The following ZRANB3 variants were observed in gnomAD, a reference collection of about 807,000 sequenced individuals.
The protein encoded by ZRANB3 is DNA annealing helicase and endonuclease ZRANB3.
In ZRANB3, 125 loss-of-function variants were observed where a neutral mutation model predicts 133.8. The observed-to-expected ratio is 0.93, with a 90% CI of 0.81 to 1.08. The LOEUF (loss-of-function observed/expected upper bound fraction) is 1.08, where lower values mean the gene tolerates loss of function less well. Among genes scored for constraint, ZRANB3 ranks in the 50% least tolerant of loss-of-function variants. The pLI, the probability that ZRANB3 is intolerant of heterozygous loss-of-function variation, is 0.00. For synonymous variants in ZRANB3, 387 were observed against 432.7 expected, an observed-to-expected ratio of 0.89 and a Z score of 1.31; for missense variants, 1,229 against 1,275.5, an observed-to-expected ratio of 0.96 and a Z score of 0.56.
At chr2:135,439,682 C>G (rs6752649) in intron 2 of ZRANB3, among the ~76,000 whole-genome samples, 136 of 152,328 alleles carry the variant, frequency 8.9e-4, no homozygotes, top group African/African-American at 3.2e-3. Flanking sequence ...AATTTGACTA[C>G]ACACTGGAAT....
chr2:135,213,044 A>G (rs1694165425), intron 17 of ZRANB3, among the ~76,000 whole-genome samples: 1 of 151,962 alleles, frequency 6.6e-6, no homozygotes, highest in Non-Finnish European at 1.5e-5. Flanking sequence ...ACTGTTGGAC[A>G]TCACTGGCGG....
At chr2:135,384,969 A>G (rs1686896043) in intron 3 of ZRANB3, among the ~76,000 whole-genome samples, 2 of 152,204 alleles carry the variant, frequency 1.3e-5, no homozygotes, top group Admixed American at 1.3e-4. Context: ...CTCCTATTCA[A>G]CATAGTGTTG....
intron 4 of ZRANB3, among the ~76,000 whole-genome samples, chr2:135,351,985 T>C: frequency 6.6e-6 from 1 of 152,202 alleles, no homozygotes; most frequent in East Asian, 1.9e-4. Context: ...CCCTAGTGGC[T>C]ATAAAAGATG....
intron 3 of ZRANB3, among the ~76,000 whole-genome samples, chr2:135,379,406 C>T (rs1022897055): frequency 2.0e-5 from 3 of 152,134 alleles, no homozygotes; most frequent in Non-Finnish European, 4.4e-5. Context: ...AATAGAAAGT[C>T]TGGTACCTGG....
intron 12 of ZRANB3, among the ~76,000 whole-genome samples, chr2:135,245,880 C>T (rs1695765193): frequency 1.8e-5 from 2 of 110,080 alleles, no homozygotes; most frequent in Admixed American, 1.3e-4. Context: ...GAGCCGAGAT[C>T]GCGTCATTGC....
At chr2:135,378,706 T>C (rs1311237171) in intron 3 of ZRANB3, among the ~76,000 whole-genome samples, 2 of 152,182 alleles carry the variant, frequency 1.3e-5, no homozygotes, top group African/African-American at 4.8e-5. Flanking sequence ...ATACTTTGTA[T>C]GATGTGATGA....
At chr2:135,482,183 T>C (rs975855085) in intron 2 of ZRANB3, among the ~76,000 whole-genome samples, 6 of 140,552 alleles carry the variant, frequency 4.3e-5, no homozygotes, top group Admixed American at 2.1e-4. Context: ...GGGGATGGCA[T>C]TGAATCTGTA....
intron 19 of ZRANB3, among the ~76,000 whole-genome samples, chr2:135,203,880 TA>T (rs1693740297): frequency 6.6e-6 from 1 of 152,222 alleles, no homozygotes; most frequent in South Asian, 2.1e-4. Flanking sequence ...CCAGTCCATA[TA>T]TACACATTTT....
intron 6 of ZRANB3, among the ~76,000 whole-genome samples, chr2:135,332,732 G>A (rs568723857): frequency 1.4e-4 from 22 of 152,144 alleles, no homozygotes; most frequent in Non-Finnish European, 4.4e-5. Context: ...CCCATCCTTC[G>A]AAGGTGCTTG....
chr2:135,427,214 A>T (rs1296712870), intron 2 of ZRANB3, among the ~76,000 whole-genome samples: 1 of 152,036 alleles, frequency 6.6e-6, no homozygotes, highest in African/African-American at 2.4e-5. Flanking sequence ...TCCTCGCCAG[A>T]GAAATCAAGC....
intron 2 of ZRANB3, among the ~76,000 whole-genome samples, chr2:135,490,316 G>A (rs969419839): frequency 6.6e-6 from 1 of 152,104 alleles, no homozygotes; most frequent in African/African-American, 2.4e-5. Context: ...CAAAAAAAGA[G>A]AAATATTCCA....
intron 2 of ZRANB3, among the ~76,000 whole-genome samples, chr2:135,402,752 A>C (rs962123753): frequency 1.3e-5 from 2 of 151,886 alleles, no homozygotes; most frequent in Admixed American, 6.6e-5. Flanking sequence ...CGTCCAGCTA[A>C]TTTTTGTATT....
rs751873684 is a variant in ZRANB3 at position 135,208,851 on chromosome 2, T to C, written c.2606+17A>G. 4 of 1,595,452 alleles carry C rather than the reference T, an allele frequency of 2.5e-6. No individual in the cohort carries two copies. The highest frequency in any genetic ancestry group is 1.7e-5 in the Admixed American group (1 of 59,956). ...TGGAATTAGTACTACTATATACTAG[T>C]AGTAGAAAAACCTTACTTTGTGAAA... On this transcript the variant is annotated intron_variant, in intron 18 of 20. Coordinates refer to ENST00000264159, the MANE Select transcript of ZRANB3 (RefSeq NM_032143.4).
chr2:135,455,807 G>A (rs182333516), intron 2 of ZRANB3, among the ~76,000 whole-genome samples: 1,566 of 149,574 alleles, frequency 0.01, 24 homozygotes, highest in African/African-American at 0.037. Flanking sequence ...TGTTAGCCAG[G>A]ATGGTCTCGA....
chr2:135,407,912 G>T (rs1688117464), intron 2 of ZRANB3, among the ~76,000 whole-genome samples: 1 of 146,396 alleles, frequency 6.8e-6, no homozygotes, highest in Non-Finnish European at 1.5e-5. Flanking sequence ...ACATAGGCAT[G>T]GGCAAGGACT....
At chr2:135,509,403 T>A (rs1263668523) in intron 1 of ZRANB3, among the ~76,000 whole-genome samples, 1 of 152,086 alleles carries the variant, frequency 6.6e-6, no homozygotes, top group Non-Finnish European at 1.5e-5. Flanking sequence ...ACATACAAGG[T>A]GATAAAAGAG....
intron 8 of ZRANB3, among the ~76,000 whole-genome samples, chr2:135,284,629 G>A (rs530379952): frequency 2.6e-5 from 4 of 151,976 alleles, no homozygotes; most frequent in Non-Finnish European, 4.4e-5. Context: ...CTGTCACCAC[G>A]CCCGGCTAAT....
chr2:135,326,027 A>C (rs1683798095), intron 6 of ZRANB3, among the ~76,000 whole-genome samples: 4 of 152,234 alleles, frequency 2.6e-5, no homozygotes, highest in Admixed American at 2.6e-4. Context: ...AGGAAATAAA[A>C]GAGAAACCCA....
At chr2:135,386,717 T>A (rs1686992877) in intron 3 of ZRANB3, among the ~76,000 whole-genome samples, 1 of 152,178 alleles carries the variant, frequency 6.6e-6, no homozygotes, top group African/African-American at 2.4e-5. Flanking sequence ...CTGGAAACCA[T>A]AATTCTCAGC....
Sources: gnomAD v4.1 joint callset for allele counts (sites outside exome capture counted in the v4.1 genomes callset) on GRCh38, gnomAD v4.1.1 for gene constraint, MANE v1.5 for transcripts, NCBI Gene and HGNC (gene_info 2026-07-23, HGNC 2026-07-21) for gene names.